Variants in PMEPA1 observed in about 807,000 individuals in gnomAD.
The protein encoded by PMEPA1 is protein TMEPAI.
PMEPA1 carries 11 observed loss-of-function variants against 23.0 expected under a neutral mutation model. That is an observed-to-expected ratio of 0.48 (90% CI 0.30 to 0.79). The LOEUF is 0.79. Among genes scored for constraint, PMEPA1 ranks in the 30% least tolerant of loss-of-function variants. The pLI, the probability that PMEPA1 is intolerant of heterozygous loss-of-function variation, is 0.06. For synonymous variants in PMEPA1, 204 were observed against 166.4 expected, an observed-to-expected ratio of 1.23 and a Z score of -1.74; for missense variants, 377 against 390.9, an observed-to-expected ratio of 0.96 and a Z score of 0.30.
intron 1 of PMEPA1, among the ~76,000 whole-genome samples, chr20:57,687,248 T>C (rs1372357455): frequency 6.6e-6 from 1 of 152,196 alleles, no homozygotes; most frequent in African/African-American, 2.4e-5. Context: ...CTTCTCCAGG[T>C]GATCTCCTGT....
rs1376915972 is a variant in PMEPA1, at chr20:57,650,677, C to T, written c.*1376G>A. 6.6e-6 allele frequency: 1 copy of T among 152,282 alleles called. No individual in the cohort carries two copies. The highest frequency in any genetic ancestry group is 1.9e-4 in the East Asian group (1 of 5,204). 9.4% of individuals were successfully genotyped at this position (152,282 alleles called of 1,614,324 possible). A position where few individuals can be genotyped will look rare whatever the true frequency, so the allele number is the denominator to read the frequency against. ...GGTGAAGAATTCTGCGCCCGAAGCT[C>T]GGGTTGGTGTTTGCTCAACTGCTTT... is the stretch of plus-strand genomic sequence containing the variant. On this transcript the variant is annotated 3_prime_UTR_variant, in exon 4 of 4. Transcript: ENST00000341744.
At chr20:57,694,378 T>C (rs1404931939) in intron 1 of PMEPA1, among the ~76,000 whole-genome samples, 1 of 152,264 alleles carries the variant, frequency 6.6e-6, no homozygotes, top group African/African-American at 2.4e-5. Flanking sequence ...CTTAACCCGA[T>C]CTTAAGCAAT....
intron 1 of PMEPA1, among the ~76,000 whole-genome samples, chr20:57,687,280 G>A (rs1394991557): frequency 1.3e-5 from 2 of 152,340 alleles, no homozygotes; most frequent in South Asian, 2.1e-4. Context: ...CTGTGCCTGG[G>A]GCTGGTCCAA....
chr20:57,653,802 C>A (rs1357059717), intron 2 of PMEPA1, among the ~76,000 whole-genome samples: 3 of 152,226 alleles, frequency 2.0e-5, no homozygotes, highest in African/African-American at 7.2e-5. Context: ...CCTTGGAGAC[C>A]AGCATCTGAA....
chr20:57,697,353 G>A (rs193075956), intron 1 of PMEPA1, among the ~76,000 whole-genome samples: 1 of 152,330 alleles, frequency 6.6e-6, no homozygotes, highest in East Asian at 1.9e-4. Context: ...AAGGATGGAG[G>A]GTGCAATTGA....
At chr20:57,688,972 C>T (rs953361203) in intron 1 of PMEPA1, among the ~76,000 whole-genome samples, 2 of 152,236 alleles carry the variant, frequency 1.3e-5, no homozygotes, top group East Asian at 1.9e-4. Context: ...CTGAGCGCTG[C>T]CTCTGGGCCT....
intron 1 of PMEPA1, chr20:57,700,101 G>A (rs1404062298): frequency 4.2e-6 from 2 of 471,330 alleles, no homozygotes; most frequent in Admixed American, 4.7e-5. Context: ...TGATGGAACT[G>A]GCCCCTCCTG....
rs1335901443 is a variant in PMEPA1, at chr20:57,667,235, C to A, written c.110-7538G>T. On this transcript the variant is annotated intron_variant, in intron 1 of 3. Transcript: ENST00000341744. Reference sequence around the variant, plus strand: ...ATTCTTTCCCATCCAAGTTTCTGGACCTCTGTTCTTGGGGGCAGAGCCTGG... The same window carrying A: ...ATTCTTTCCCATCCAAGTTTCTGGAACTCTGTTCTTGGGGGCAGAGCCTGG... Among the ~76,000 whole-genome samples the A allele has an allele frequency of 2.0e-5, 3 of 152,132 alleles. No individual in the cohort carries two copies. In the South Asian group the frequency reaches 6.2e-4, roughly 32 times the overall value.
chr20:57,699,858 C>T (rs186236061), intron 1 of PMEPA1, among the ~76,000 whole-genome samples: 14 of 152,334 alleles, frequency 9.2e-5, no homozygotes, highest in Admixed American at 5.9e-4. Flanking sequence ...GTGGGATGTC[C>T]GTGGTGGACT....
At chr20:57,707,365 T>TA (rs773252206) in intron 1 of PMEPA1, among the ~76,000 whole-genome samples, 3 of 152,238 alleles carry the variant, frequency 2.0e-5, no homozygotes, top group Non-Finnish European at 4.4e-5. Flanking sequence ...ACCTGCATTT[T>TA]AAAGACTGGT....
At chr20:57,689,945 G>C (rs1017284063) in intron 1 of PMEPA1, among the ~76,000 whole-genome samples, 1 of 152,232 alleles carries the variant, frequency 6.6e-6, no homozygotes, top group Non-Finnish European at 1.5e-5. Flanking sequence ...TGGCTGCATC[G>C]CCCGGCAGCA....
intron 1 of PMEPA1, among the ~76,000 whole-genome samples, chr20:57,662,408 C>A (rs147668952): frequency 6.6e-6 from 1 of 152,200 alleles, no homozygotes; most frequent in South Asian, 2.1e-4. Context: ...CTAGAGCTGG[C>A]GCGTCCTCCC....
intron 1 of PMEPA1, among the ~76,000 whole-genome samples, chr20:57,663,477 C>T (rs3795112): frequency 0.13 from 19,736 of 152,122 alleles, 1,589 homozygotes; most frequent in East Asian, 0.35. Context: ...ATGTGCTCAG[C>T]ATGTAGTGCT....
At chr20:57,690,437 A>G (rs544342427) in intron 1 of PMEPA1, 1 of 1,304,348 alleles carries the variant, frequency 7.7e-7, no homozygotes, top group African/African-American at 1.5e-5. Flanking sequence ...TTCGCCTGTC[A>G]TTTATCAAAT....
In PMEPA1 at chr20:57,655,112, A is replaced by C. The variant is rs2071309183; in HGVS notation, c.265-2026T>G. On this transcript the variant is annotated intron_variant, in intron 2 of 3. Transcript: ENST00000341744. This position sits in a 1 kb window ranked among gnomAD's most constrained non-coding sequence, Gnocchi z 4.2. ...CCTATCTGTATAGCGGGCTGATGAC[A>C]GCGCCTGCAATGCACCATACAGTGT... Among the ~76,000 whole-genome samples, 1 of 152,140 alleles carries C rather than the reference A, an allele frequency of 6.6e-6. No homozygotes were observed. Among genetic ancestry groups the C allele is most frequent in the Non-Finnish European group, 1.5e-5 (1 of 68,024 alleles).
rs79158539 is a variant in PMEPA1 at position 57,682,396 on chromosome 20, C to T, written c.110-22699G>A. On this transcript the variant is annotated intron_variant, in intron 1 of 3. Coordinates refer to ENST00000341744, the MANE Select transcript of PMEPA1 (RefSeq NM_020182.5). This position sits in a 1 kb window ranked among gnomAD's most constrained non-coding sequence, Gnocchi z 4.4. ...TCCATAAAATGGGGAAATGACAGCC[C>T]GCTGCCCTTGCATACCTAAGCACAA... Among the ~76,000 whole-genome samples, 533 of 152,266 alleles carry T rather than the reference C, an allele frequency of 3.5e-3. 2 individuals carry two copies. Among genetic ancestry groups the T allele is most frequent in the East Asian group, 0.017 (86 of 5,174 alleles).
At position 57,676,801 on chromosome 20, in the gene PMEPA1, C is replaced by G. The variant is rs1312766990; in HGVS notation, c.110-17104G>C. Among the ~76,000 whole-genome samples, 5 of 152,210 alleles carry G rather than the reference C, an allele frequency of 3.3e-5. No individual in the cohort carries two copies. In the South Asian group the frequency reaches 8.3e-4, roughly 25 times the overall value. On this transcript the variant is annotated intron_variant, in intron 1 of 3. Coordinates refer to ENST00000341744, the MANE Select transcript of PMEPA1 (RefSeq NM_020182.5). ...TGGCCAAAGGAGGAGGAGAGAGAAC[C>G]TTGGCGTTCATCCCTCAAGAGCAGA...
intron 1 of PMEPA1, among the ~76,000 whole-genome samples, chr20:57,667,072 G>C (rs2071503678): frequency 6.6e-6 from 1 of 152,218 alleles, no homozygotes; most frequent in South Asian, 2.1e-4. Context: ...ACGGGACATG[G>C]GCCTGTGGAG....
chr20:57,680,087 G>GC (rs1443747597), intron 1 of PMEPA1, among the ~76,000 whole-genome samples: 2 of 152,202 alleles, frequency 1.3e-5, no homozygotes, highest in Non-Finnish European at 2.9e-5. Flanking sequence ...GGCTTGCACT[G>GC]CAAGCCCCAG....
Sources: allele counts gnomAD v4.1 joint callset (sites outside exome capture counted in the v4.1 genomes callset), GRCh38; gene constraint gnomAD v4.1.1; non-coding constraint Gnocchi (gnomAD v3.1); transcripts MANE v1.5; gene names NCBI Gene and HGNC (gene_info 2026-07-23, HGNC 2026-07-21).